Variants in SEC23B observed in about 807,000 individuals in gnomAD.
SEC23B encodes the protein protein transport protein Sec23B.
A neutral mutation model predicts 104.3 loss-of-function variants in SEC23B; 77 were observed. That is an observed-to-expected ratio of 0.74 (90% CI 0.61 to 0.89). The LOEUF (loss-of-function observed/expected upper bound fraction) is 0.89. SEC23B is among the 40% of genes least tolerant of loss of function. The pLI is 0.00. For missense variants in SEC23B, 885 were observed against 949.4 expected, an observed-to-expected ratio of 0.93 and a Z score of 0.89; for synonymous variants, 338 against 332.5, an observed-to-expected ratio of 1.02 and a Z score of -0.18.
In SEC23B at chr20:18,554,264, C is replaced by A; in HGVS notation, c.2022C>A (p.Tyr674Ter). The stretch of plus-strand genomic sequence containing the variant: ...TAGCCCAGTGGCGTAAAGCTGGCTA[C>A]CAGGACATGCCCGAGTATGAAAACT... ...ETIAQWRKAGYQDMPEYENFK... is the reference protein window; with the variant it reads ...ETIAQWRKAG The change falls in exon 18 of 20, where the codon TAC (tyrosine) becomes TAA (stop). Residue 674 changes from tyrosine to a stop codon, truncating the protein, a stop_gained. Coordinates refer to ENST00000650089, the MANE Select transcript of SEC23B (RefSeq NM_006363.6). LOFTEE classifies it high-confidence loss of function. The A allele has an allele frequency of 6.2e-7, 1 of 1,614,146 alleles. No individual in the cohort carries two copies. The highest frequency in any genetic ancestry group is 1.1e-5 in the South Asian group (1 of 91,076).
chr20:18,524,837 C>G, intron 5 of SEC23B, 98 bp from the exon 6 acceptor site: 1 of 1,369,394 alleles, frequency 7.3e-7, no homozygotes, highest in Non-Finnish European at 1.0e-6. Context: ...GGACTAGAGG[C>G]ACATGCCACC....
chr20:18,509,968 T>G (rs1600223185), intron 1 of SEC23B: 1 of 152,196 alleles, frequency 6.6e-6, no homozygotes, highest in South Asian at 2.1e-4. Context: ...AATAGTAATT[T>G]TGGTAATACC....
rs1455991766 is a variant in SEC23B at position 18,512,283 on chromosome 20, G to A, written c.279+1G>A. 3 of 1,552,804 alleles carry A rather than the reference G, an allele frequency of 1.9e-6. No individual in the cohort carries two copies. Among genetic ancestry groups the A allele is most frequent in the Middle Eastern group, 3.6e-4 (2 of 5,600 alleles). ...TAATTTCTGTTTTCAAAGAAATCAG[G>A]TATGTGAATTATTTTTAAAAAATGT... On this transcript the variant is annotated splice_donor_variant, in intron 3 of 19. Transcript: ENST00000650089. LOFTEE classifies it high-confidence loss of function.
intron 8 of SEC23B, 130 bp from the exon 9 acceptor site, chr20:18,527,366 A>T (rs2060142866): frequency 4.1e-6 from 3 of 730,012 alleles, no homozygotes; most frequent in Non-Finnish European, 7.5e-6. Context: ...CAACAGAGAG[A>T]GACTCTGTCA....
intron 12 of SEC23B, among the ~76,000 whole-genome samples, chr20:18,538,301 G>A (rs1007972115): frequency 2.7e-5 from 4 of 145,476 alleles, no homozygotes; most frequent in African/African-American, 1.0e-4. Flanking sequence ...CCAGGCTGGA[G>A]TGCAGTGGCA....
At position 18,527,622 on chromosome 20, in the gene SEC23B, A is replaced by C. The variant is rs1021739359; in HGVS notation, c.1109+11A>C. 7 of 1,473,656 alleles carry C rather than the reference A, an allele frequency of 4.8e-6. No individual in the cohort carries two copies. The African/African-American group carries it at 6.9e-5, about 15-fold the overall frequency. 91.3% of individuals were successfully genotyped at this position (1,473,656 alleles called of 1,614,324 possible). A position where few individuals can be genotyped will look rare whatever the true frequency, so the allele number is the denominator to read the frequency against. ...TGCAAATCTTACTGGGTATGTTGACAGTGAAAACCTGGGCAGAGTGACAGT... is the reference window on the plus strand; with the variant it reads ...TGCAAATCTTACTGGGTATGTTGACCGTGAAAACCTGGGCAGAGTGACAGT... On this transcript the variant is annotated intron_variant, in intron 9 of 19. Coordinates refer to ENST00000650089, the MANE Select transcript of SEC23B (RefSeq NM_006363.6).
chr20:18,508,497 T>C (rs2059951444), intron 1 of SEC23B, among the ~76,000 whole-genome samples: 1 of 152,156 alleles, frequency 6.6e-6, no homozygotes, highest in Non-Finnish European at 1.5e-5. Flanking sequence ...TCCCCGATAC[T>C]TTGGTAAAAG....
At chr20:18,545,242 A>T (rs756467724) in intron 14 of SEC23B, among the ~76,000 whole-genome samples, 7 of 152,180 alleles carry the variant, frequency 4.6e-5, no homozygotes, top group African/African-American at 7.2e-5. Flanking sequence ...AGGAGTCCAC[A>T]GTTAGGGGGA....
intron 12 of SEC23B, among the ~76,000 whole-genome samples, chr20:18,540,307 C>T (rs538859180): frequency 6.6e-6 from 1 of 152,324 alleles, no homozygotes; most frequent in South Asian, 2.1e-4. Context: ...ACGTTTATCT[C>T]CTTTATATCT....
intron 19 of SEC23B, among the ~76,000 whole-genome samples, chr20:18,557,036 G>C (rs2060446346): frequency 6.6e-6 from 1 of 152,178 alleles, no homozygotes; most frequent in African/African-American, 2.4e-5. Context: ...ACAGCTTATA[G>C]TTGGGTCATG....
rs776230056 is a variant in SEC23B, at chr20:18,532,694, A to C, written c.1264A>C (p.Ile422Leu). 5.0e-6 allele frequency: 8 copies of C among 1,613,800 alleles called. No individual in the cohort carries two copies. The highest frequency in any genetic ancestry group is 6.8e-6 in the Non-Finnish European group (8 of 1,179,814). ...TCGGGAACTGAAGATTGCAGGAGCC[A>C]TTGGTCCATGCGTATCTCTGAATGT... ...TSRELKIAGA[I>L]GPCVSLNVKG... Residue 422 changes from isoleucine to leucine, a missense_variant, in exon 11 of 20, where the codon ATT becomes CTT. Transcript: ENST00000650089.
At chr20:18,537,601 G>A (rs2148910667) in intron 12 of SEC23B, among the ~76,000 whole-genome samples, 1 of 152,182 alleles carries the variant, frequency 6.6e-6, no homozygotes, top group East Asian at 1.9e-4. Flanking sequence ...TGGGGGAAGG[G>A]GGGAGGAATA....
intron 14 of SEC23B, among the ~76,000 whole-genome samples, chr20:18,544,645 C>T (rs554112785): frequency 2.6e-5 from 4 of 152,260 alleles, no homozygotes; most frequent in East Asian, 1.9e-4. Flanking sequence ...GCAAGGGAGA[C>T]GTGGCTGTGA....
Position 18,524,632 on chromosome 20 carries a change from TC to T in SEC23B, c.568del (p.Arg190GlufsTer6), listed in dbSNP as rs1412390184. ...GAAGGAATCTCCAAAAGTTATGTCT[TC>T]CGAGGGACCAAGGATTTAACTGCAA... ...SCEGISKSYV[F>X]RGTKDLTAKQ... On this transcript the variant is annotated frameshift_variant, in exon 5 of 20. Coordinates refer to ENST00000650089, the MANE Select transcript of SEC23B (RefSeq NM_006363.6). LOFTEE classifies it high-confidence loss of function. The T allele has an allele frequency of 6.2e-7, 1 of 1,614,196 alleles. No individual in the cohort carries two copies. Among genetic ancestry groups the T allele is most frequent in the Admixed American group, 1.7e-5 (1 of 60,022 alleles).
chr20:18,541,140 A>G (rs1382906440), intron 12 of SEC23B, among the ~76,000 whole-genome samples: 2 of 152,078 alleles, frequency 1.3e-5, no homozygotes, highest in African/African-American at 2.4e-5. Flanking sequence ...TCAGGAACCA[A>G]CCTCTGCCAG....
chr20:18,537,292 T>C (rs1477140982), intron 12 of SEC23B, among the ~76,000 whole-genome samples: 7 of 151,998 alleles, frequency 4.6e-5, no homozygotes, highest in Admixed American at 1.3e-4. Context: ...CATGCACACG[T>C]ATGTTTATTG....
Position 18,545,989 on chromosome 20 carries a change from C to A in SEC23B, c.1699C>A (p.Pro567Thr), listed in dbSNP as rs770218585. Residue 567 changes from proline (P) to threonine (T), a missense_variant, in exon 15 of 20, where the codon CCC becomes ACC. By Grantham distance (38) the Pro-to-Thr change is conservative (BLOSUM62 -1). Transcript: ENST00000650089. ...QKFGQYNKED[P>T]TSFRLSDSFS... is the part of the protein sequence containing the mutation. ...GTTTGGACAGTATAACAAAGAAGAC[C>A]CCACTTCTTTTAGGTTATCAGATTC... 6.3e-7 allele frequency: 1 copy of A among 1,592,656 alleles called. No individual in the cohort carries two copies. The highest frequency in any genetic ancestry group is 8.6e-7 in the Non-Finnish European group (1 of 1,160,606).
At chr20:18,557,781 T>C (rs1272989197) in intron 19 of SEC23B, among the ~76,000 whole-genome samples, 3 of 150,412 alleles carry the variant, frequency 2.0e-5, no homozygotes, top group African/African-American at 7.3e-5. Flanking sequence ...AGATGGAGTT[T>C]TGCACTTGTT....
intron 15 of SEC23B, among the ~76,000 whole-genome samples, chr20:18,546,992 G>A (rs1314299758): frequency 6.8e-6 from 1 of 148,136 alleles, no homozygotes; most frequent in Non-Finnish European, 1.5e-5. Flanking sequence ...AAAGCAGACA[G>A]AGTTGGTGCT....
Sources: gnomAD v4.1 joint callset for allele counts (sites outside exome capture counted in the v4.1 genomes callset) on GRCh38, gnomAD v4.1.1 for gene constraint, MANE v1.5 for transcripts, NCBI Gene and HGNC (gene_info 2026-07-23, HGNC 2026-07-21) for gene names.